Variants in OPCML observed in about 807,000 individuals in gnomAD.
OPCML encodes opioid binding protein/cell adhesion molecule like.
A neutral mutation model predicts 37.8 loss-of-function variants in OPCML; 13 were observed. The observed-to-expected ratio is 0.34, with a 90% CI of 0.22 to 0.55. OPCML has a LOEUF of 0.55. OPCML is among the 20% of genes least tolerant of loss of function. The pLI, the probability that OPCML is intolerant of heterozygous loss-of-function variation, is 0.91. For synonymous variants in OPCML, 176 were observed against 168.8 expected (o/e 1.04, Z -0.33); for missense variants, 341 against 435.6 (o/e 0.78, Z 1.93).
intron 3 of OPCML, among the ~76,000 whole-genome samples, chr11:132,615,124 G>T (rs540587812): frequency 2.0e-5 from 3 of 152,290 alleles, no homozygotes; most frequent in South Asian, 2.1e-4. Flanking sequence ...TTTTTTCAAA[G>T]ATGTGCTTAC....
intron 1 of OPCML, among the ~76,000 whole-genome samples, chr11:133,499,840 G>GTA (rs541359390): frequency 0.012 from 1,539 of 132,074 alleles, 36 homozygotes; most frequent in African/African-American, 0.043. Context: ...ATATGTGTAT[G>GTA]TATATATATA....
chr11:132,733,346 A>G (rs1565818047), intron 2 of OPCML, among the ~76,000 whole-genome samples: 1 of 152,104 alleles, frequency 6.6e-6, no homozygotes, highest in Non-Finnish European at 1.5e-5. Context: ...TAGATGAGCA[A>G]AAGAGGATTA....
intron 1 of OPCML, among the ~76,000 whole-genome samples, chr11:132,984,753 A>G (rs1346903944): frequency 6.6e-6 from 1 of 152,220 alleles, no homozygotes; most frequent in Non-Finnish European, 1.5e-5. Context: ...GACCACCAGC[A>G]ACAGCTTGAA....
At chr11:133,037,195 G>T (rs1410270239) in intron 1 of OPCML, among the ~76,000 whole-genome samples, 2 of 152,178 alleles carry the variant, frequency 1.3e-5, no homozygotes, top group Non-Finnish European at 2.9e-5. Context: ...ACTTATTTGG[G>T]TCAATAGAGC....
intron 1 of OPCML, among the ~76,000 whole-genome samples, chr11:133,425,426 G>C (rs1052423176): frequency 6.6e-6 from 1 of 152,228 alleles, no homozygotes; most frequent in Non-Finnish European, 1.5e-5. Flanking sequence ...GGCAGCTTTT[G>C]TTGAGCTCTT....
chr11:132,473,688 T>C (rs772457765), intron 4 of OPCML, among the ~76,000 whole-genome samples: 18 of 152,044 alleles, frequency 1.2e-4, no homozygotes, highest in Non-Finnish European at 2.2e-4. Flanking sequence ...TAGTAGGGCA[T>C]AGTGGTGTGC....
intron 2 of OPCML, among the ~76,000 whole-genome samples, chr11:132,807,965 G>A (rs1388204828): frequency 2.6e-5 from 4 of 152,160 alleles, no homozygotes; most frequent in East Asian, 1.9e-4. Flanking sequence ...AAGAAATCAC[G>A]TATTACATGA....
intron 1 of OPCML, among the ~76,000 whole-genome samples, chr11:133,220,336 A>G (rs58294304): frequency 0.12 from 18,791 of 152,248 alleles, 1,283 homozygotes; most frequent in African/African-American, 0.16. Context: ...TGCTGCAGGC[A>G]TTAACCCAAG....
intron 2 of OPCML, among the ~76,000 whole-genome samples, chr11:132,882,826 A>T (rs1943266053): frequency 6.6e-6 from 1 of 152,238 alleles, no homozygotes; most frequent in Admixed American, 6.5e-5. Context: ...AGAGGTTTCC[A>T]AGAGGAGAAA....
chr11:132,429,060 G>GATGC (rs2095987622), intron 7 of OPCML, among the ~76,000 whole-genome samples: 1 of 152,028 alleles, frequency 6.6e-6, no homozygotes, highest in Admixed American at 6.6e-5. Flanking sequence ...TGGATGGATG[G>GATGC]ATGGATGGAT....
At chr11:132,620,140 A>G (rs1372931111) in intron 3 of OPCML, among the ~76,000 whole-genome samples, 1 of 152,182 alleles carries the variant, frequency 6.6e-6, no homozygotes, top group Non-Finnish European at 1.5e-5. Flanking sequence ...TATATTTGAT[A>G]TTGAGGTTCT....
At chr11:133,130,955 C>T (rs951330449) in intron 1 of OPCML, among the ~76,000 whole-genome samples, 1 of 152,134 alleles carries the variant, frequency 6.6e-6, no homozygotes, top group Non-Finnish European at 1.5e-5. Context: ...CTCACTGCCT[C>T]TGCCAAAATA....
chr11:133,016,394 A>G (rs541335937), intron 1 of OPCML, among the ~76,000 whole-genome samples: 3 of 152,152 alleles, frequency 2.0e-5, no homozygotes, highest in African/African-American at 7.2e-5. Context: ...CTGCTCATGG[A>G]CATTCCTTGA....
At chr11:133,215,217 TGAGAGA>T (rs139928448) in intron 1 of OPCML, among the ~76,000 whole-genome samples, 3 of 150,828 alleles carry the variant, frequency 2.0e-5, no homozygotes, top group Admixed American at 2.0e-4. Context: ...TGTGTGTGTG[TGAGAGA>T]GAGAGAGAGA....
intron 3 of OPCML, among the ~76,000 whole-genome samples, chr11:132,570,900 C>G (rs2096436845): frequency 6.7e-6 from 1 of 150,046 alleles, no homozygotes; most frequent in African/African-American, 2.5e-5. Flanking sequence ...GGTGTCAACT[C>G]AATTGGATTG....
intron 1 of OPCML, among the ~76,000 whole-genome samples, chr11:133,489,332 C>A (rs750653262): frequency 1.3e-5 from 2 of 151,896 alleles, no homozygotes; most frequent in Admixed American, 6.6e-5. Context: ...AACTATGCAT[C>A]TGACAAAGGG....
chr11:133,452,578 G>A (rs894911804), intron 1 of OPCML, among the ~76,000 whole-genome samples: 5 of 151,426 alleles, frequency 3.3e-5, no homozygotes, highest in African/African-American at 7.4e-5. Context: ...TTTGGGGGCC[G>A]AAGTAGGAGG....
Position 133,177,920 on chromosome 11 carries a change from C to T in OPCML, c.62-234910G>A, listed in dbSNP as rs994097315. Among the ~76,000 whole-genome samples the T allele has an allele frequency of 6.6e-6, 1 of 152,174 alleles. No homozygotes were observed. Among genetic ancestry groups the T allele is most frequent in the African/African-American group, 2.4e-5 (1 of 41,438 alleles). On this transcript the variant is annotated intron_variant, in intron 1 of 7. Coordinates refer to ENST00000524381, the MANE Select transcript of OPCML (RefSeq NM_001012393.5). This position sits in a 1 kb window ranked among gnomAD's most constrained non-coding sequence, Gnocchi z 5.0. ...GGGCCATCTGGCCTCTTTCAAGAGG[C>T]CTCTGTTCTTTTGAACCACACTGAA...
chr11:132,715,499 A>G (rs1470876197), intron 2 of OPCML, among the ~76,000 whole-genome samples: 1 of 152,066 alleles, frequency 6.6e-6, no homozygotes, highest in Non-Finnish European at 1.5e-5. Context: ...ATATTTGTGT[A>G]CCCCCTAAAT....
Sources: allele counts gnomAD v4.1 joint callset (sites outside exome capture counted in the v4.1 genomes callset), GRCh38; gene constraint gnomAD v4.1.1; non-coding constraint Gnocchi (gnomAD v3.1); transcripts MANE v1.5; gene names NCBI Gene and HGNC (gene_info 2026-07-23, HGNC 2026-07-21).